Variants in APPBP2 observed in about 807,000 individuals in gnomAD.
APPBP2 encodes amyloid protein-binding protein 2.
Under a neutral mutation model 76.0 loss-of-function variants are expected in APPBP2, and 15 were observed. The ratio of observed to expected loss-of-function variants is 0.20; its 90% CI spans 0.13 to 0.30. The LOEUF (loss-of-function observed/expected upper bound fraction) is 0.30, where lower values mean the gene tolerates loss of function less well. Ranked by LOEUF, APPBP2 falls within the 10% of genes least tolerant of loss-of-function variation. APPBP2 has a pLI of 1.00. For synonymous variants in APPBP2, 222 were observed against 242.2 expected (o/e 0.92, Z 0.77); for missense variants, 401 against 687.2 (o/e 0.58, Z 4.66).
At chr17:60,513,210 C>T (rs915776433) in intron 1 of APPBP2, 2 of 373,330 alleles carry the variant, frequency 5.4e-6, no homozygotes, top group Non-Finnish European at 1.0e-5. Flanking sequence ...GCCAAGAGGG[C>T]GAGCATTCGA....
intron 1 of APPBP2, among the ~76,000 whole-genome samples, chr17:60,520,456 C>T (rs1309504614): frequency 6.6e-6 from 1 of 151,710 alleles, no homozygotes; most frequent in Non-Finnish European, 1.5e-5. Context: ...GCTTGTAATC[C>T]CAGCTACTTG....
chr17:60,479,786 T>A (rs2090616191), intron 3 of APPBP2, among the ~76,000 whole-genome samples: 1 of 152,196 alleles, frequency 6.6e-6, no homozygotes, highest in African/African-American at 2.4e-5. Context: ...GGATTCTGCC[T>A]CCTAAATATG....
intron 3 of APPBP2, among the ~76,000 whole-genome samples, chr17:60,491,636 G>A (rs1012187972): frequency 5.3e-5 from 8 of 151,832 alleles, no homozygotes; most frequent in Non-Finnish European, 1.0e-4. Context: ...GTAGAGATAC[G>A]GTTTCACCAT....
rs1189268578 is a variant in APPBP2 at position 60,482,843 on chromosome 17, T to C, written c.380-3572A>G. 3.3e-5 allele frequency among the ~76,000 whole-genome samples: 5 copies of C among 152,350 alleles called. No homozygotes were observed. In the South Asian group the frequency reaches 8.3e-4, roughly 25 times the overall value. ...AATCCAGTCTATCATTGATGGACAT[T>C]TGGGTTGGTTCCATGTCTTTGCTAT... On this transcript the variant is annotated intron_variant, in intron 3 of 12. Coordinates refer to ENST00000083182, the MANE Select transcript of APPBP2 (RefSeq NM_006380.5).
At chr17:60,485,167 CTTTT>C (rs538248678) in intron 3 of APPBP2, among the ~76,000 whole-genome samples, 2 of 151,962 alleles carry the variant, frequency 1.3e-5, no homozygotes, top group South Asian at 4.2e-4. Flanking sequence ...CTAAAATTCT[CTTTT>C]TTTGTTGTGT....
intron 1 of APPBP2, among the ~76,000 whole-genome samples, chr17:60,512,891 A>T (rs529935982): frequency 6.6e-6 from 1 of 150,402 alleles, no homozygotes; most frequent in South Asian, 2.1e-4. Flanking sequence ...AAGAATGCTG[A>T]ATATCTAGTA....
intron 1 of APPBP2, among the ~76,000 whole-genome samples, chr17:60,519,567 G>A (rs373838054): frequency 4.5e-4 from 68 of 151,932 alleles, no homozygotes; most frequent in Admixed American, 1.5e-3. Flanking sequence ...GGACGATGAG[G>A]CAGGAGGATC....
rs1017590893 is a variant in APPBP2, at chr17:60,472,735, G to T, written c.504-6276C>A. On this transcript the variant is annotated intron_variant, in intron 4 of 12. Coordinates refer to ENST00000083182, the MANE Select transcript of APPBP2 (RefSeq NM_006380.5). ...CAAAGAATTAGCAGACAGATTGAAAGAATCTAGTTCCTTAATAACCTCTAT... is the reference window on the plus strand; with the variant it reads ...CAAAGAATTAGCAGACAGATTGAAATAATCTAGTTCCTTAATAACCTCTAT... Among the ~76,000 whole-genome samples, 7 of 152,198 alleles carry T rather than the reference G, an allele frequency of 4.6e-5. No individual in the cohort carries two copies. The East Asian group carries it at 1.2e-3, about 25-fold the overall frequency.
chr17:60,467,954 C>T (rs1046191220), intron 4 of APPBP2, among the ~76,000 whole-genome samples: 4 of 152,062 alleles, frequency 2.6e-5, no homozygotes, highest in African/African-American at 9.7e-5. Flanking sequence ...GAGAGATAAG[C>T]AAGATTTTAT....
intron 4 of APPBP2, among the ~76,000 whole-genome samples, chr17:60,475,780 TA>T (rs1209514559): frequency 1.3e-5 from 2 of 152,028 alleles, no homozygotes; most frequent in Non-Finnish European, 2.9e-5. Context: ...GTCAATGGTT[TA>T]AAAACATAAT....
chr17:60,495,676 GAACCCTCATAC>G (rs1260050000), intron 2 of APPBP2, among the ~76,000 whole-genome samples: 1 of 151,820 alleles, frequency 6.6e-6, no homozygotes, highest in Non-Finnish European at 1.5e-5. Flanking sequence ...GAAAAAACGG[GAACCCTCATAC>G]ATTGGCGGTG....
chr17:60,457,304 TC>T (rs1270674792), intron 9 of APPBP2, among the ~76,000 whole-genome samples: 1 of 152,144 alleles, frequency 6.6e-6, no homozygotes, highest in Non-Finnish European at 1.5e-5. Flanking sequence ...CAAGCCTCCC[TC>T]TCCCCCACCC....
chr17:60,468,926 G>C (rs893974149), intron 4 of APPBP2, among the ~76,000 whole-genome samples: 1 of 152,150 alleles, frequency 6.6e-6, no homozygotes, highest in Non-Finnish European at 1.5e-5. Context: ...TAAGTCATTA[G>C]TTTACTAATA....
chr17:60,482,040 G>A (rs926580388), intron 3 of APPBP2, among the ~76,000 whole-genome samples: 3 of 152,036 alleles, frequency 2.0e-5, no homozygotes, highest in South Asian at 4.1e-4. Context: ...GTGCCACCAC[G>A]CCCGGCTAAT....
At chr17:60,465,998 C>T (rs367988713) in intron 5 of APPBP2, among the ~76,000 whole-genome samples, 17 of 152,160 alleles carry the variant, frequency 1.1e-4, no homozygotes, top group African/African-American at 3.9e-4. Context: ...GCTACACATG[C>T]GGCTAATTTT....
chr17:60,510,266 G>C (rs73330220), intron 1 of APPBP2, among the ~76,000 whole-genome samples: 12,459 of 151,928 alleles, frequency 0.082, 1,688 homozygotes, highest in African/African-American at 0.28. Flanking sequence ...AGCCAGACGT[G>C]GTAGTACATA....
chr17:60,483,518 C>G (rs1436650339), intron 3 of APPBP2, among the ~76,000 whole-genome samples: 1 of 152,040 alleles, frequency 6.6e-6, no homozygotes, highest in Non-Finnish European at 1.5e-5. Context: ...CTGAGCCTCC[C>G]AAATAGCTGG....
At chr17:60,515,832 T>C (rs1422078147) in intron 1 of APPBP2, among the ~76,000 whole-genome samples, 3 of 152,208 alleles carry the variant, frequency 2.0e-5, no homozygotes, top group Non-Finnish European at 4.4e-5. Context: ...TTTTCAGTGG[T>C]TGCTGTGATA....
intron 3 of APPBP2, among the ~76,000 whole-genome samples, chr17:60,484,451 G>A (rs1332871043): frequency 1.3e-5 from 2 of 152,126 alleles, no homozygotes; most frequent in South Asian, 2.1e-4. Flanking sequence ...CACATCCCTT[G>A]TAGGTTGGAT....
Sources: gnomAD v4.1 joint callset for allele counts (sites outside exome capture counted in the v4.1 genomes callset) on GRCh38, gnomAD v4.1.1 for gene constraint, MANE v1.5 for transcripts, NCBI Gene and HGNC (gene_info 2026-07-23, HGNC 2026-07-21) for gene names.